ASRGL1: variants seen among roughly 807,000 people sequenced by gnomAD.
The protein encoded by ASRGL1 is asparaginase and isoaspartyl peptidase 1.
Under a neutral mutation model 22.4 loss-of-function variants are expected in ASRGL1, and 16 were observed. The ratio of observed to expected loss-of-function variants is 0.71; its 90% confidence interval spans 0.48 to 1.08. The LOEUF is 1.08. Ranked by LOEUF, ASRGL1 falls within the 50% of genes least tolerant of loss-of-function variation. The pLI, the probability that ASRGL1 is intolerant of heterozygous loss-of-function variation, is 0.00. For missense variants in ASRGL1, 412 were observed against 410.1 expected, an observed-to-expected ratio of 1.00 and a Z score of -0.04; for synonymous variants, 165 against 159.3, an observed-to-expected ratio of 1.04 and a Z score of -0.27.
At chr11:62,356,290 T>C in intron 2 of ASRGL1, 35 bp from the exon 3 acceptor site, 2 of 1,610,386 alleles carry the variant, frequency 1.2e-6, no homozygotes, top group South Asian at 2.2e-5. Context: ...GCGTAAATTC[T>C]TAATTCTTGC....
intron 4 of ASRGL1, among the ~76,000 whole-genome samples, chr11:62,373,396 T>C (rs561759814): frequency 2.6e-5 from 4 of 152,316 alleles, no homozygotes; most frequent in East Asian, 3.9e-4. Flanking sequence ...AATGTCGAAT[T>C]AAAATACTTG....
intron 2 of ASRGL1, among the ~76,000 whole-genome samples, chr11:62,346,116 C>T (rs1386234825): frequency 1.3e-5 from 2 of 152,204 alleles, no homozygotes; most frequent in African/African-American, 2.4e-5. Context: ...GACTGCTTCC[C>T]ACTTCAGATG....
At chr11:62,394,242 A>G (rs11231074), downstream of ASRGL1, among the ~76,000 whole-genome samples, 38,692 of 139,936 alleles carry the variant, frequency 0.28, 5,467 homozygotes, top group South Asian at 0.36. Flanking sequence ...TGTATTATAT[A>G]TAATTTGTTA....
chr11:62,341,200 T>A (rs1391149292), intron 2 of ASRGL1, among the ~76,000 whole-genome samples: 24 of 150,214 alleles, frequency 1.6e-4, no homozygotes, highest in African/African-American at 5.1e-4. Flanking sequence ...AACAGGATTT[T>A]TTTTTTTTTT....
chr11:62,369,493 C>G (rs947516989), intron 4 of ASRGL1, among the ~76,000 whole-genome samples: 1 of 152,122 alleles, frequency 6.6e-6, no homozygotes, highest in Non-Finnish European at 1.5e-5. Context: ...ATCATCATGG[C>G]TCGTTCTTGA....
At chr11:62,379,336 AG>A (rs990441683) in intron 4 of ASRGL1, among the ~76,000 whole-genome samples, 1 of 152,276 alleles carries the variant, frequency 6.6e-6, no homozygotes. Flanking sequence ...CCTTACACAC[AG>A]GTCTGCTCTC....
intron 2 of ASRGL1, 116 bp from the exon 3 acceptor site, chr11:62,356,209 C>G (rs1344022573): frequency 3.2e-6 from 4 of 1,261,810 alleles, no homozygotes; most frequent in Non-Finnish European, 4.4e-6. Context: ...CGGGCAGAGG[C>G]GCCCCTCACC....
chr11:62,389,734 G>A, intron 5 of ASRGL1: 1 of 246,396 alleles, frequency 4.1e-6, no homozygotes, highest in Non-Finnish European at 8.0e-6. Context: ...CATTAACGGG[G>A]AAGCACGCCA....
intron 4 of ASRGL1, among the ~76,000 whole-genome samples, chr11:62,384,205 T>A (rs1392550734): frequency 6.6e-6 from 1 of 151,900 alleles, no homozygotes; most frequent in Non-Finnish European, 1.5e-5. Context: ...CAAGACTCCG[T>A]CTCAAAAACA....
At chr11:62,344,199 C>T (rs1380290694) in intron 2 of ASRGL1, among the ~76,000 whole-genome samples, 7 of 151,910 alleles carry the variant, frequency 4.6e-5, no homozygotes, top group Non-Finnish European at 8.8e-5. Context: ...CTTGGCCTGT[C>T]GTTCATATTT....
intron 4 of ASRGL1, among the ~76,000 whole-genome samples, chr11:62,388,394 C>T (rs1947262722): frequency 6.6e-6 from 1 of 152,196 alleles, no homozygotes; most frequent in Non-Finnish European, 1.5e-5. Context: ...CAGCCAGGCA[C>T]AGTGGCTCAC....
In ASRGL1 at chr11:62,375,428, T is replaced by TTATATATA. The variant is rs71053051; in HGVS notation, c.492-13659_492-13652dup. ...GGTTTAGTGCTGTAATTGTCTTACT[T>TTATATATA]TATATATATATATATATATATATAT... On this transcript the variant is annotated intron_variant, in intron 4 of 6. Transcript: ENST00000415229. Among the ~76,000 whole-genome samples, 221 of 68,868 alleles carry TTATATATA rather than the reference T, an allele frequency of 3.2e-3. 1 individual carries two copies. The highest frequency in any genetic ancestry group is 3.8e-3 in the African/African-American group (90 of 23,466). The allele number at this position is 68,868 out of a possible 152,430, so 45.2% of individuals were successfully genotyped here.
intron 2 of ASRGL1, among the ~76,000 whole-genome samples, chr11:62,343,992 G>A (rs1011312737): frequency 1.3e-4 from 18 of 142,044 alleles, no homozygotes; most frequent in African/African-American, 4.7e-4. Context: ...GAAATGGCGC[G>A]ATCTCAGCTC....
At chr11:62,372,685 G>A in intron 4 of ASRGL1, 1 of 1,208,626 alleles carries the variant, frequency 8.3e-7, no homozygotes. Context: ...AGTGGCTATG[G>A]CTGGCTGGGC....
chr11:62,384,610 C>T (rs1237487325), intron 4 of ASRGL1, among the ~76,000 whole-genome samples: 1 of 151,162 alleles, frequency 6.6e-6, no homozygotes, highest in Non-Finnish European at 1.5e-5. Flanking sequence ...ATCATAATTT[C>T]ACTATGTATA....
At chr11:62,355,277 G>T (rs1946255080) in intron 2 of ASRGL1, among the ~76,000 whole-genome samples, 1 of 147,302 alleles carries the variant, frequency 6.8e-6, no homozygotes, top group Non-Finnish European at 1.5e-5. Context: ...CCAGGCTGGA[G>T]TGCAGTGGTG....
At position 62,338,119 on chromosome 11, in the gene ASRGL1, G is replaced by T. The variant is rs1451746996; in HGVS notation, c.142G>T (p.Val48Leu). Residue 48 changes from valine (V) to leucine (L), a missense_variant, in exon 2 of 7, where the codon GTA (valine) becomes TTA (leucine). Physicochemically the swap from Val to Leu is conservative, Grantham distance 32. Coordinates refer to ENST00000415229, the MANE Select transcript of ASRGL1 (RefSeq NM_001083926.2). ...LREGGSAVDA[V>L]EGAVVALEDD... is the part of the protein sequence containing the mutation. ...GGAGGGCGGGAGCGCCGTGGATGCC[G>T]TAGAGGGAGCTGTCGTCGCCCTGGA... 6.2e-7 allele frequency: 1 copy of T among 1,603,732 alleles called. No individual in the cohort carries two copies. Among genetic ancestry groups the T allele is most frequent in the African/African-American group, 1.3e-5 (1 of 74,838 alleles).
At chr11:62,398,839 C>A in the ASRGL1 span, among the ~76,000 whole-genome samples, 1 of 152,186 alleles carries the variant, frequency 6.6e-6, no homozygotes, top group Non-Finnish European at 1.5e-5. Flanking sequence ...AAAAGTCCAT[C>A]ACTTTCCCCA....
rs1046138773 is a variant in ASRGL1, at chr11:62,391,914, G to T, written c.722-165G>T. On this transcript the variant is annotated intron_variant, in intron 6 of 6. Transcript: ENST00000415229. ...CCCCTCTGCTCAGGCTGATGCTAGG[G>T]CGCTGTCTCAGGGCAAGGAGGTGAG... 9.6e-6 allele frequency: 8 copies of T among 829,376 alleles called. No individual in the cohort carries two copies. In the East Asian group the frequency reaches 2.1e-4, roughly 22 times the overall value. 51.4% of individuals were successfully genotyped at this position (829,376 alleles called of 1,614,324 possible).
Sources: allele counts gnomAD v4.1 joint callset (sites outside exome capture counted in the v4.1 genomes callset), GRCh38; gene constraint gnomAD v4.1.1; transcripts MANE v1.5; gene names NCBI Gene and HGNC (gene_info 2026-07-23, HGNC 2026-07-21).